SYCP2L: variants seen among roughly 807,000 people sequenced by gnomAD.
The protein encoded by SYCP2L is synaptonemal complex protein 2-like.
Under a neutral mutation model 125.8 loss-of-function variants are expected in SYCP2L, and 98 were observed. That is an observed-to-expected ratio of 0.78 (90% confidence interval 0.66 to 0.92). The LOEUF (loss-of-function observed/expected upper bound fraction) is 0.92, where lower values mean the gene tolerates loss of function less well. SYCP2L is among the 40% of genes least tolerant of loss of function. The pLI is 0.00. For synonymous variants in SYCP2L, 317 were observed against 325.4 expected, an observed-to-expected ratio of 0.97 and a Z score of 0.28; for missense variants, 842 against 936.4, an observed-to-expected ratio of 0.90 and a Z score of 1.32.
chr6:10,905,887 A>G (rs1780480633), intron 8 of SYCP2L, 133 bp from the exon 9 acceptor site: 3 of 600,792 alleles, frequency 5.0e-6, no homozygotes, highest in Non-Finnish European at 8.8e-6. Flanking sequence ...TGTTGGCATT[A>G]AGGAAATTTT....
chr6:10,913,687 T>G (rs1328729397), intron 14 of SYCP2L, among the ~76,000 whole-genome samples: 1 of 152,210 alleles, frequency 6.6e-6, no homozygotes, highest in African/African-American at 2.4e-5. Context: ...CTCTGCTGAC[T>G]GTTCCTTTTG....
intron 1 of SYCP2L, among the ~76,000 whole-genome samples, chr6:10,888,860 A>G (rs1780126459): frequency 1.3e-5 from 2 of 152,094 alleles, no homozygotes. Context: ...TATGCTATGA[A>G]TTAACACCCT....
chr6:10,901,204 C>T (rs1191701005), intron 6 of SYCP2L, among the ~76,000 whole-genome samples: 1 of 152,134 alleles, frequency 6.6e-6, no homozygotes, highest in African/African-American at 2.4e-5. Flanking sequence ...TAATTACTAA[C>T]ATCAAAAAAT....
intron 29 of SYCP2L, among the ~76,000 whole-genome samples, chr6:10,964,600 A>T (rs978966117): frequency 2.0e-5 from 3 of 152,192 alleles, no homozygotes; most frequent in Non-Finnish European, 4.4e-5. Flanking sequence ...TTAAAAATTT[A>T]AAAAATTTGG....
intron 1 of SYCP2L, among the ~76,000 whole-genome samples, chr6:10,887,721 GTAGTTTGT>G (rs1436895879): frequency 1.3e-5 from 2 of 152,258 alleles, no homozygotes; most frequent in Admixed American, 6.5e-5. Flanking sequence ...CGGTGGGCCG[GTAGTTTGT>G]TAGTTTGTTA....
chr6:10,905,535 G>A (rs1414891875), intron 8 of SYCP2L, among the ~76,000 whole-genome samples: 2 of 152,110 alleles, frequency 1.3e-5, no homozygotes, highest in Admixed American at 6.6e-5. Context: ...CAGGTGATCT[G>A]CCCGTCTCGG....
intron 10 of SYCP2L, among the ~76,000 whole-genome samples, chr6:10,907,920 T>TC (rs1423329791): frequency 7.0e-6 from 1 of 142,672 alleles, no homozygotes; most frequent in Non-Finnish European, 1.5e-5. Flanking sequence ...TGACAGAGTC[T>TC]CACTCTTGCC....
chr6:10,893,320 G>T (rs1272803750), intron 2 of SYCP2L, among the ~76,000 whole-genome samples: 1 of 152,188 alleles, frequency 6.6e-6, no homozygotes, highest in Non-Finnish European at 1.5e-5. Context: ...GTACTTAGAA[G>T]CATGTCTTAG....
At chr6:10,952,011 C>G (rs1781418681) in intron 23 of SYCP2L, among the ~76,000 whole-genome samples, 1 of 152,190 alleles carries the variant, frequency 6.6e-6, no homozygotes, top group African/African-American at 2.4e-5. Context: ...CTTGTGAGAG[C>G]AGGAGCACAC....
intron 1 of SYCP2L, among the ~76,000 whole-genome samples, chr6:10,890,148 A>G (rs1780149858): frequency 3.9e-5 from 6 of 152,222 alleles, no homozygotes; most frequent in Non-Finnish European, 1.5e-5. Flanking sequence ...TATCTTGGCT[A>G]TTATGAATAG....
At chr6:10,906,113 A>T in intron 9 of SYCP2L, 59 bp downstream of exon 9, 1 of 1,001,504 alleles carries the variant, frequency 1.0e-6, no homozygotes, top group African/African-American at 1.6e-5. Flanking sequence ...TGGGGGTTTT[A>T]TGAGCATCTT....
rs1254866641 is a variant in SYCP2L, at chr6:10,931,443, T to C, written c.1637T>C (p.Leu546Ser). Reference protein sequence around the residue: ...KTRTRSNLRILPVFPPSSGSG... With the variant: ...KTRTRSNLRISPVFPPSSGSG... ...CACTTGTTTTCTTTCAATTTAGTCT[T>C]GCCAGTTTTCCCTCCCAGTAGTGGC... The change falls in exon 20 of 30, where the codon TTG (leucine) becomes TCG (serine). Residue 546 changes from leucine to serine, a missense_variant. Physicochemically the swap from Leu to Ser is moderately radical, Grantham distance 145. Transcript: ENST00000283141. The C allele has an allele frequency of 1.6e-5, 26 of 1,614,036 alleles. No homozygotes were observed. The highest frequency in any genetic ancestry group is 3.3e-5 in the Admixed American group (2 of 60,012).
At chr6:10,904,448 C>T (rs1780446875) in intron 8 of SYCP2L, among the ~76,000 whole-genome samples, 1 of 152,206 alleles carries the variant, frequency 6.6e-6, no homozygotes, top group Non-Finnish European at 1.5e-5. Context: ...AAACTCACTG[C>T]TGTCGTGTTT....
chr6:10,970,699 G>T (rs1781755405), intron 29 of SYCP2L, among the ~76,000 whole-genome samples: 1 of 152,154 alleles, frequency 6.6e-6, no homozygotes, highest in South Asian at 2.1e-4. Flanking sequence ...TGAAAGGTGA[G>T]ATTCAGGACA....
intron 10 of SYCP2L, among the ~76,000 whole-genome samples, chr6:10,907,892 G>GTTTTTTTTTATTTTTTTTTT (rs1554105092): frequency 1.1e-5 from 1 of 91,922 alleles, no homozygotes; most frequent in Non-Finnish European, 2.0e-5. Context: ...ATACAGATAG[G>GTTTTTTTTTATTTTTTTTTT]TTTTTTTTTT....
At chr6:10,892,846 C>A (rs1780195640) in intron 2 of SYCP2L, among the ~76,000 whole-genome samples, 1 of 152,004 alleles carries the variant, frequency 6.6e-6, no homozygotes, top group Non-Finnish European at 1.5e-5. Flanking sequence ...GCTGTTTTCC[C>A]TTTTAATTCA....
chr6:10,969,429 T>C (rs866226614), intron 29 of SYCP2L, among the ~76,000 whole-genome samples: 9 of 150,464 alleles, frequency 6.0e-5, no homozygotes, highest in Admixed American at 2.0e-4. Flanking sequence ...GGCATGATCT[T>C]GGCTCACTGC....
At chr6:10,918,460 C>T (rs1335043540) in intron 14 of SYCP2L, among the ~76,000 whole-genome samples, 1 of 151,936 alleles carries the variant, frequency 6.6e-6, no homozygotes, top group East Asian at 1.9e-4. Context: ...AGACTTTGTT[C>T]GTATTTTCTT....
intron 8 of SYCP2L, among the ~76,000 whole-genome samples, chr6:10,905,142 C>T (rs1181621815): frequency 1.8e-5 from 1 of 54,650 alleles, no homozygotes. Flanking sequence ...GACTTGGTCT[C>T]AAAAAAAAAA....
Sources: gnomAD v4.1 joint callset for allele counts (sites outside exome capture counted in the v4.1 genomes callset) on GRCh38, gnomAD v4.1.1 for gene constraint, MANE v1.5 for transcripts, NCBI Gene and HGNC (gene_info 2026-07-23, HGNC 2026-07-21) for gene names.